The following JAKMIP1 variants were observed in gnomAD, a reference collection of about 807,000 sequenced individuals.
The protein encoded by JAKMIP1 is janus kinase and microtubule interacting protein 1.
A neutral mutation model predicts 113.0 loss-of-function variants in JAKMIP1; 33 were observed. The ratio of observed to expected loss-of-function variants is 0.29; its 90% CI spans 0.22 to 0.39. The LOEUF is 0.39. Ranked by LOEUF, JAKMIP1 falls within the 10% of genes least tolerant of loss-of-function variation. JAKMIP1 has a pLI of 1.00. For synonymous variants in JAKMIP1, 480 were observed against 459.9 expected (o/e 1.04, Z -0.56); for missense variants, 813 against 1,080.5 (o/e 0.75, Z 3.47).
At chr4:6,047,884 G>C (rs1026167500) in intron 16 of JAKMIP1, among the ~76,000 whole-genome samples, 11 of 152,154 alleles carry the variant, frequency 7.2e-5, no homozygotes, top group Non-Finnish European at 1.3e-4. Context: ...AACAAATCAG[G>C]AATGTGTTTT....
rs183513613 is a variant in JAKMIP1 at position 6,135,585 on chromosome 4, T to C, written c.-147-22588A>G. On this transcript the variant is annotated intron_variant, in intron 1 of 20. Coordinates refer to ENST00000409021, the MANE Select transcript of JAKMIP1 (RefSeq NM_001099433.2). This position sits in a 1 kb window ranked among gnomAD's most constrained non-coding sequence, Gnocchi z 4.9. The stretch of plus-strand genomic sequence containing the variant: ...CAGGTCCAGCCTGGCCTAGCCTTGA[T>C]AAAAAAGCCATCGCATACACAGCAT... 6.6e-6 allele frequency among the ~76,000 whole-genome samples: 1 copy of C among 152,084 alleles called. No homozygotes were observed. Among genetic ancestry groups the C allele is most frequent in the Non-Finnish European group, 1.5e-5 (1 of 68,008 alleles).
At chr4:6,099,078 C>T (rs1578229604) in intron 3 of JAKMIP1, among the ~76,000 whole-genome samples, 1 of 152,200 alleles carries the variant, frequency 6.6e-6, no homozygotes, top group African/African-American at 2.4e-5. Context: ...CCTATTGCTA[C>T]ATTTATTGCT....
intron 10 of JAKMIP1, 56 bp from the exon 11 acceptor site, chr4:6,060,563 G>A (rs1717127485): frequency 3.3e-5 from 44 of 1,321,516 alleles, no homozygotes; most frequent in Non-Finnish European, 4.7e-5. Flanking sequence ...TGACAGGGAA[G>A]CGGAAAGCGT....
At position 6,108,372 on chromosome 4, in the gene JAKMIP1, C is replaced by A. The variant is rs1714319845; in HGVS notation, c.130-2405G>T. Among the ~76,000 whole-genome samples the A allele has an allele frequency of 6.6e-6, 1 of 152,150 alleles. No homozygotes were observed. Among genetic ancestry groups the A allele is most frequent in the Admixed American group, 6.5e-5 (1 of 15,282 alleles). ...CCAAGCTACCCCAAGTGTAGAGGCA[C>A]CTACACCAGCCGCTCCTCAGCACTT... is the stretch of plus-strand genomic sequence containing the variant. On this transcript the variant is annotated intron_variant, in intron 2 of 20. Transcript: ENST00000409021. The surrounding 1 kb of genome is among the most constrained non-coding windows in gnomAD (Gnocchi z 5.6).
At chr4:6,151,929 C>T (rs1721615154) in intron 1 of JAKMIP1, among the ~76,000 whole-genome samples, 1 of 152,306 alleles carries the variant, frequency 6.6e-6, no homozygotes, top group East Asian at 1.9e-4. Flanking sequence ...CATTGACCTT[C>T]CCTGAACATT....
chr4:6,170,373 C>A (rs1344935370), intron 1 of JAKMIP1, among the ~76,000 whole-genome samples: 7 of 150,768 alleles, frequency 4.6e-5, no homozygotes, highest in African/African-American at 1.5e-4. Context: ...ACCTCTATCA[C>A]CACCATCACC....
Position 6,080,695 on chromosome 4 carries a change from C to A in JAKMIP1, c.1102-383G>T, listed in dbSNP as rs1401981054. ...TTTCTGCCATGATTGTGAGGCCTCC[C>A]CAGCCACGTGAAACTGTGAGTCCAT... On this transcript the variant is annotated intron_variant, in intron 6 of 20. Transcript: ENST00000409021. This position sits in a 1 kb window ranked among gnomAD's most constrained non-coding sequence, Gnocchi z 6.0. Among the ~76,000 whole-genome samples the A allele has an allele frequency of 6.6e-6, 1 of 152,098 alleles. No individual in the cohort carries two copies. The highest frequency in any genetic ancestry group is 1.5e-5 in the Non-Finnish European group (1 of 68,028).
chr4:6,049,946 C>T lies in JAKMIP1; in HGVS notation c.1909-74G>A. ...CCATACCAATTTCTAGGGCCACGGC[C>T]TTTCCTCTGGACAAGACACCGCGCT... On this transcript the variant is annotated intron_variant, in intron 14 of 20. Coordinates refer to ENST00000409021, the MANE Select transcript of JAKMIP1 (RefSeq NM_001099433.2). The surrounding 1 kb of genome is among the most constrained non-coding windows in gnomAD (Gnocchi z 7.0). The T allele has an allele frequency of 9.3e-6, 10 of 1,073,610 alleles. No individual in the cohort carries two copies. Among genetic ancestry groups the T allele is most frequent in the Non-Finnish European group, 1.3e-5 (9 of 700,020 alleles). 66.5% of individuals were successfully genotyped at this position (1,073,610 alleles called of 1,614,324 possible).
Position 6,105,698 on chromosome 4 carries a change from C to T in JAKMIP1, c.399G>A (p.Leu133=). Residue 133 remains leucine, a synonymous_variant, in exon 3 of 21, where the codon CTG becomes CTA. Coordinates refer to ENST00000409021, the MANE Select transcript of JAKMIP1 (RefSeq NM_001099433.2). ...GAADKVKTAL[L]TEAREEARRA... is the part of the protein sequence containing the mutation. The stretch of plus-strand genomic sequence containing the variant: ...TGCGCGCCTCCTCGCGCGCCTCGGT[C>T]AGCAGCGCCGTCTTGACCTTGTCGG... 3 of 1,603,622 alleles carry T rather than the reference C, an allele frequency of 1.9e-6. No homozygotes were observed. The highest frequency in any genetic ancestry group is 2.5e-6 in the Non-Finnish European group (3 of 1,178,018).
At chr4:6,060,858 C>G (rs1408962536) in intron 10 of JAKMIP1, among the ~76,000 whole-genome samples, 1 of 152,266 alleles carries the variant, frequency 6.6e-6, no homozygotes, top group Non-Finnish European at 1.5e-5. Context: ...CTGACCAAGT[C>G]CAATCCTTAC....
chr4:6,193,719 G>T lies in JAKMIP1; in HGVS notation c.-148+6534C>A, dbSNP rs970255404. Among the ~76,000 whole-genome samples, 3 of 152,208 alleles carry T rather than the reference G, an allele frequency of 2.0e-5. No homozygotes were observed. The highest frequency in any genetic ancestry group is 4.4e-5 in the Non-Finnish European group (3 of 68,032). ...CTGCAGGTTTCAAGGACAAGTCAAG[G>T]CTGGGAGCCCCCAGCACGATGCTGA... On this transcript the variant is annotated intron_variant, in intron 1 of 20. Coordinates refer to ENST00000409021, the MANE Select transcript of JAKMIP1 (RefSeq NM_001099433.2). This position sits in a 1 kb window ranked among gnomAD's most constrained non-coding sequence, Gnocchi z 6.4.
chr4:6,042,732 C>T lies in JAKMIP1; in HGVS notation c.2029-505G>A, dbSNP rs924762666. On this transcript the variant is annotated intron_variant, in intron 16 of 20. Transcript: ENST00000409021. The surrounding 1 kb of genome is among the most constrained non-coding windows in gnomAD (Gnocchi z 5.2). Reference sequence around the variant, plus strand: ...ATTTGGAACCCAGCCTGCAGGATGCCAAAGCCACTGCCCTCATCCCTCCAG... The same window carrying T: ...ATTTGGAACCCAGCCTGCAGGATGCTAAAGCCACTGCCCTCATCCCTCCAG... Among the ~76,000 whole-genome samples the T allele has an allele frequency of 6.6e-6, 1 of 152,072 alleles. No homozygotes were observed. Among genetic ancestry groups the T allele is most frequent in the Non-Finnish European group, 1.5e-5 (1 of 68,020 alleles).
Position 6,176,454 on chromosome 4 carries a change from C to T in JAKMIP1, c.-148+23799G>A, listed in dbSNP as rs1725349297. On this transcript the variant is annotated intron_variant, in intron 1 of 20. Coordinates refer to ENST00000409021, the MANE Select transcript of JAKMIP1 (RefSeq NM_001099433.2). This position sits in a 1 kb window ranked among gnomAD's most constrained non-coding sequence, Gnocchi z 5.5. ...CCAAGGAAGGATTTCCGATGTTCAG[C>T]TGTATTGTACATTTTAATCTATTTA... 6.6e-6 allele frequency among the ~76,000 whole-genome samples: 1 copy of T among 152,186 alleles called. No individual in the cohort carries two copies. Among genetic ancestry groups the T allele is most frequent in the Admixed American group, 6.5e-5 (1 of 15,282 alleles).
rs1727397962 is a variant in JAKMIP1, at chr4:6,192,614, G to A, written c.-148+7639C>T. 6.6e-6 allele frequency among the ~76,000 whole-genome samples: 1 copy of A among 152,190 alleles called. No individual in the cohort carries two copies. Among genetic ancestry groups the A allele is most frequent in the South Asian group, 2.1e-4 (1 of 4,830 alleles). ...AGCACTCGATCACAGAGCTAGCAGG[G>A]TGGAGTTCGGAAATTAAGTCAATAG... is the stretch of plus-strand genomic sequence containing the variant. On this transcript the variant is annotated intron_variant, in intron 1 of 20. Coordinates refer to ENST00000409021, the MANE Select transcript of JAKMIP1 (RefSeq NM_001099433.2). This position sits in a 1 kb window ranked among gnomAD's most constrained non-coding sequence, Gnocchi z 5.0.
intron 11 of JAKMIP1, among the ~76,000 whole-genome samples, 156 bp downstream of exon 11, chr4:6,060,268 G>A (rs532101808): frequency 6.7e-4 from 102 of 152,164 alleles, no homozygotes; most frequent in Non-Finnish European, 1.2e-3. Context: ...GAGCACATTC[G>A]TGCCTGGGTT....
At chr4:6,068,303 G>T (rs1194526830) in intron 8 of JAKMIP1, among the ~76,000 whole-genome samples, 1 of 152,184 alleles carries the variant, frequency 6.6e-6, no homozygotes, top group African/African-American at 2.4e-5. Flanking sequence ...TCCAGACCCA[G>T]TGGAGCCCCC....
chr4:6,056,736 C>A lies in JAKMIP1; in HGVS notation c.1668G>T (p.Lys556Asn). The change falls in exon 12 of 21, where the codon AAG becomes AAT. Residue 556 changes from lysine to asparagine, a missense_variant. Transcript: ENST00000409021. ...KGQDSKWVEE[K>N]QLLIRTNQDL... ...CTTGGTTTGTTCTGATGAGCAGCTG[C>A]TTCTCTTCAACCCACTTGGAATCCT... is the stretch of plus-strand genomic sequence containing the variant. The A allele has an allele frequency of 6.2e-7, 1 of 1,613,406 alleles. No homozygotes were observed. The highest frequency in any genetic ancestry group is 8.5e-7 in the Non-Finnish European group (1 of 1,179,552).
chr4:6,084,526 T>C (rs1233794093), intron 5 of JAKMIP1, among the ~76,000 whole-genome samples: 2 of 152,054 alleles, frequency 1.3e-5, no homozygotes, highest in African/African-American at 2.4e-5. Flanking sequence ...TATTGAACAA[T>C]TGGGTTTTTT....
chr4:6,177,498 G>A (rs572541281), intron 1 of JAKMIP1, among the ~76,000 whole-genome samples: 1 of 152,252 alleles, frequency 6.6e-6, no homozygotes, highest in Non-Finnish European at 1.5e-5. Context: ...TGGGCCTCCT[G>A]GGAAGGGTGT....
Sources: gnomAD v4.1 joint callset for allele counts (sites outside exome capture counted in the v4.1 genomes callset) on GRCh38, gnomAD v4.1.1 for gene constraint, Gnocchi (gnomAD v3.1) non-coding constraint, MANE v1.5 for transcripts, NCBI Gene and HGNC (gene_info 2026-07-23, HGNC 2026-07-21) for gene names.